CEP89: variants seen among roughly 807,000 people sequenced by gnomAD.
The protein encoded by CEP89 is centrosomal protein of 89 kDa.
In CEP89, 95 loss-of-function variants were observed where a neutral mutation model predicts 97.6. The ratio of observed to expected loss-of-function variants is 0.97; its 90% CI spans 0.82 to 1.15. The LOEUF is 1.15. Among genes scored for constraint, CEP89 ranks in the 50% most tolerant of loss-of-function variants. The pLI is 0.00. For synonymous variants in CEP89, 354 were observed against 349.1 expected (o/e 1.01, Z -0.16); for missense variants, 869 against 947.7 (o/e 0.92, Z 1.09).
rs1970593469 is a variant in CEP89, at chr19:32,936,993, C to A, written c.667+638G>T. Reference sequence around the variant, plus strand: ...GTAAAGCTCCTCTTCGTCTTGCTCACCCTCCACTTGTCTGCTTACCTCATT... The same window carrying A: ...GTAAAGCTCCTCTTCGTCTTGCTCAACCTCCACTTGTCTGCTTACCTCATT... On this transcript the variant is annotated intron_variant, in intron 7 of 18. Transcript: ENST00000305768. The surrounding 1 kb of genome is among the most constrained non-coding windows in gnomAD (Gnocchi z 4.5). The A allele has an allele frequency of 6.5e-6, 1 of 154,272 alleles. No individual in the cohort carries two copies. The highest frequency in any genetic ancestry group is 1.4e-5 in the Non-Finnish European group (1 of 69,762). The allele number at this position is 154,272 out of a possible 1,614,324, so 9.6% of individuals were successfully genotyped here.
intron 11 of CEP89, 123 bp from the exon 12 acceptor site, chr19:32,923,665 G>T: frequency 3.0e-6 from 2 of 671,996 alleles, no homozygotes; most frequent in Non-Finnish European, 5.3e-6. Context: ...TCTCACAACA[G>T]GCCAGCCTTC....
At chr19:32,964,998 T>C (rs144079221) in intron 2 of CEP89, among the ~76,000 whole-genome samples, 12 of 152,236 alleles carry the variant, frequency 7.9e-5, no homozygotes, top group Non-Finnish European at 1.8e-4. Flanking sequence ...CTTTTCCTCT[T>C]GGGCTCAAGT....
intron 6 of CEP89, among the ~76,000 whole-genome samples, chr19:32,939,494 T>C (rs979953870): frequency 3.3e-5 from 5 of 151,836 alleles, no homozygotes; most frequent in Admixed American, 1.3e-4. Context: ...CTGGGTAATA[T>C]GGTGAAACCC....
chr19:32,929,601 TAA>T (rs71338599), intron 9 of CEP89, among the ~76,000 whole-genome samples: 8 of 141,098 alleles, frequency 5.7e-5, no homozygotes, highest in Non-Finnish European at 7.7e-5. Flanking sequence ...AGACTGTGTC[TAA>T]AAAAAAAAAA....
At position 32,889,356 on chromosome 19, in the gene CEP89, TC is replaced by T. The variant is rs1201022115; in HGVS notation, c.1876-1516del. ...GCGGGTGTCTGCTTGGACACAAAAGTCCCTGGTGACAGGTGGAGCCAGGATG... is the reference window on the plus strand; with the variant it reads ...GCGGGTGTCTGCTTGGACACAAAAGTCCTGGTGACAGGTGGAGCCAGGATG... On this transcript the variant is annotated intron_variant, in intron 16 of 18. Transcript: ENST00000305768. Among the ~76,000 whole-genome samples the T allele has an allele frequency of 3.9e-5, 6 of 152,176 alleles. No homozygotes were observed. In the East Asian group the frequency reaches 1.2e-3, roughly 29 times the overall value.
At chr19:32,920,750 C>T (rs935425501) in intron 12 of CEP89, among the ~76,000 whole-genome samples, 9 of 152,028 alleles carry the variant, frequency 5.9e-5, no homozygotes, top group African/African-American at 2.2e-4. Context: ...TCCCAAAGTG[C>T]TGGGATTATA....
At position 32,917,803 on chromosome 19, in the gene CEP89, C is replaced by T. The variant is rs1468862486; in HGVS notation, c.1384+421G>A. The T allele has an allele frequency of 3.0e-6, 3 of 984,976 alleles. No homozygotes were observed. In the East Asian group the frequency reaches 3.4e-4, roughly 112 times the overall value. 61.0% of individuals were successfully genotyped at this position (984,976 alleles called of 1,614,324 possible). A position where few individuals can be genotyped will look rare whatever the true frequency, so the allele number is the denominator to read the frequency against. On this transcript the variant is annotated intron_variant, in intron 13 of 18. Coordinates refer to ENST00000305768, the MANE Select transcript of CEP89 (RefSeq NM_032816.5). ...ACCTGCAGTGATGTCGCCTCCCAGGCCCGCAGCTCTGAAGGAAGGAAGGAC... is the reference window on the plus strand; with the variant it reads ...ACCTGCAGTGATGTCGCCTCCCAGGTCCGCAGCTCTGAAGGAAGGAAGGAC...
At chr19:32,897,797 A>G (rs187311598) in intron 16 of CEP89, among the ~76,000 whole-genome samples, 1 of 152,294 alleles carries the variant, frequency 6.6e-6, no homozygotes, top group African/African-American at 2.4e-5. Flanking sequence ...CCTGGACCCA[A>G]GTGATCCTCC....
Position 32,915,345 on chromosome 19 carries a change from T to C in CEP89, c.1557A>G (p.Glu519=). ...AAACATTAAATCCTTACCTTTTTAA[T>C]TCATTCACAATTGATTTATGAACTT... ...AVEVHKSIVN[E]LKSQLQKEEE... is the part of the protein sequence containing the mutation. The change falls in exon 14 of 19, where the codon GAA becomes GAG. Residue 519 remains glutamate (E), a synonymous_variant. Coordinates refer to ENST00000305768, the MANE Select transcript of CEP89 (RefSeq NM_032816.5). The C allele has an allele frequency of 6.3e-7, 1 of 1,588,018 alleles. No individual in the cohort carries two copies. Among genetic ancestry groups the C allele is most frequent in the Non-Finnish European group, 8.5e-7 (1 of 1,172,022 alleles).
intron 13 of CEP89, chr19:32,917,949 T>A (rs1970162623): frequency 7.4e-6 from 2 of 269,708 alleles, no homozygotes; most frequent in African/African-American, 2.3e-5. Flanking sequence ...TAAGGTACTA[T>A]TTTACCCCAA....
intron 5 of CEP89, among the ~76,000 whole-genome samples, chr19:32,941,658 C>T (rs1970688956): frequency 6.6e-6 from 1 of 151,406 alleles, no homozygotes; most frequent in African/African-American, 2.5e-5. Context: ...GGACTGCTCT[C>T]CTGCGTTGGA....
At chr19:32,932,400 T>C (rs1970495286) in intron 8 of CEP89, among the ~76,000 whole-genome samples, 1 of 152,082 alleles carries the variant, frequency 6.6e-6, no homozygotes, top group Admixed American at 6.6e-5. Context: ...CCACCTTACT[T>C]AAAGCTATAT....
At chr19:32,908,396 C>T (rs1438644029) in intron 14 of CEP89, among the ~76,000 whole-genome samples, 2 of 151,944 alleles carry the variant, frequency 1.3e-5, no homozygotes, top group Non-Finnish European at 2.9e-5. Context: ...GGCTCAGAGT[C>T]GATAGATGGG....
intron 12 of CEP89, among the ~76,000 whole-genome samples, chr19:32,921,304 C>T (rs1338834181): frequency 2.6e-5 from 4 of 152,176 alleles, no homozygotes; most frequent in African/African-American, 4.8e-5. Context: ...GCAGGTTTAG[C>T]AGCCGTGCAG....
chr19:32,909,999 G>A (rs558674324), intron 14 of CEP89, among the ~76,000 whole-genome samples: 1 of 152,320 alleles, frequency 6.6e-6, no homozygotes, highest in South Asian at 2.1e-4. Flanking sequence ...AGTGGCTCAT[G>A]CCTGTAATCC....
At chr19:32,911,673 G>A (rs1458300563) in intron 14 of CEP89, among the ~76,000 whole-genome samples, 4 of 151,912 alleles carry the variant, frequency 2.6e-5, no homozygotes, top group Non-Finnish European at 4.4e-5. Flanking sequence ...AGAAAAGCAC[G>A]AGTCTGGCTT....
rs563046619 is a variant in CEP89, at chr19:32,952,798, G to A, written c.492+817C>T. On this transcript the variant is annotated intron_variant, in intron 4 of 18. Transcript: ENST00000305768. The stretch of plus-strand genomic sequence containing the variant: ...GTGTGTCTGTAGTCCCAGCTACTTG[G>A]GAGGCTGAGGTGGGAGGATCACTTG... 1.3e-5 allele frequency among the ~76,000 whole-genome samples: 2 copies of A among 151,040 alleles called. 1 individual carries two copies. The highest frequency in any genetic ancestry group is 3.9e-4 in the East Asian group (2 of 5,120).
chr19:32,887,664 G>A, intron 17 of CEP89, 88 bp downstream of exon 17: 2 of 778,396 alleles, frequency 2.6e-6, no homozygotes, highest in Non-Finnish European at 2.2e-6. Context: ...CATGCAAAAG[G>A]TGTCATTTTC....
intron 7 of CEP89, among the ~76,000 whole-genome samples, chr19:32,935,479 G>C (rs1293524395): frequency 6.6e-6 from 1 of 152,190 alleles, no homozygotes; most frequent in East Asian, 1.9e-4. Context: ...GTTAACGTTT[G>C]ATTAACACCA....
Sources: gnomAD v4.1 joint callset for allele counts (sites outside exome capture counted in the v4.1 genomes callset) on GRCh38, gnomAD v4.1.1 for gene constraint, Gnocchi (gnomAD v3.1) non-coding constraint, MANE v1.5 for transcripts, NCBI Gene and HGNC (gene_info 2026-07-23, HGNC 2026-07-21) for gene names.